Variants in SKAP2 observed in about 807,000 individuals in gnomAD.
The protein encoded by SKAP2 is src kinase associated phosphoprotein 2, also known as src kinase-associated phosphoprotein 2.
A neutral mutation model predicts 54.9 loss-of-function variants in SKAP2; 28 were observed. The observed-to-expected ratio is 0.51, with a 90% CI of 0.38 to 0.70. The LOEUF is 0.70. Among genes scored for constraint, SKAP2 ranks in the 30% least tolerant of loss-of-function variants. SKAP2 has a pLI of 0.00. For missense variants in SKAP2, 356 were observed against 424.1 expected (o/e 0.84, Z 1.41); for synonymous variants, 137 against 134.3 (o/e 1.02, Z -0.14).
chr7:26,754,137 G>C (rs1782739743), intron 4 of SKAP2, among the ~76,000 whole-genome samples: 1 of 152,170 alleles, frequency 6.6e-6, no homozygotes, highest in African/African-American at 2.4e-5. Context: ...GCTGAGGCGA[G>C]TGGATCACTT....
intron 4 of SKAP2, among the ~76,000 whole-genome samples, chr7:26,819,168 A>C (rs1339747453): frequency 6.6e-6 from 1 of 152,226 alleles, no homozygotes; most frequent in African/African-American, 2.4e-5. Context: ...ACTTGGAACC[A>C]ACCCAAATGC....
At chr7:26,812,965 T>TTAG (rs1488207302) in intron 4 of SKAP2, among the ~76,000 whole-genome samples, 1 of 152,186 alleles carries the variant, frequency 6.6e-6, no homozygotes, top group East Asian at 1.9e-4. Context: ...TACCTCTGTC[T>TTAG]TCTATTAAAG....
intron 4 of SKAP2, among the ~76,000 whole-genome samples, chr7:26,756,557 A>G (rs1054149168): frequency 2.0e-5 from 3 of 151,990 alleles, no homozygotes; most frequent in Non-Finnish European, 4.4e-5. Context: ...TATGTGCCAC[A>G]TTTTCTTAAT....
intron 4 of SKAP2, among the ~76,000 whole-genome samples, chr7:26,786,570 A>C (rs1783549177): frequency 6.6e-6 from 1 of 152,112 alleles, no homozygotes; most frequent in South Asian, 2.1e-4. Context: ...GAGGAAGAGC[A>C]CTCCAGGCAG....
chr7:26,864,508 A>G lies in SKAP2; in HGVS notation c.-79T>C, dbSNP rs1584434155. The G allele has an allele frequency of 9.9e-6, 15 of 1,517,326 alleles. No homozygotes were observed. In the South Asian group the frequency reaches 1.3e-4, roughly 13 times the overall value. The allele number at this position is 1,517,326 out of a possible 1,614,324, so 94.0% of individuals were successfully genotyped here. A position where few individuals can be genotyped will look rare whatever the true frequency, so the allele number is the denominator to read the frequency against. On this transcript the variant is annotated 5_prime_UTR_variant, in exon 1 of 13. Coordinates refer to ENST00000345317, the MANE Select transcript of SKAP2 (RefSeq NM_003930.5). The stretch of plus-strand genomic sequence containing the variant: ...CGGGGTGGGGCTGCGGCTGCGACCT[A>G]GACTCAGGCTAGCGGCCCGGATTAA...
chr7:26,738,116 T>C (rs1787980960), intron 6 of SKAP2, among the ~76,000 whole-genome samples: 1 of 152,160 alleles, frequency 6.6e-6, no homozygotes, highest in Non-Finnish European at 1.5e-5. Flanking sequence ...GACAAGACCC[T>C]GTTTCTAAAA....
intron 4 of SKAP2, among the ~76,000 whole-genome samples, chr7:26,764,351 A>C (rs555662158): frequency 6.6e-6 from 1 of 152,186 alleles, no homozygotes; most frequent in East Asian, 1.9e-4. Flanking sequence ...ATAGATCAGG[A>C]ATCAGAAGAC....
chr7:26,695,004 C>A (rs1204964109), intron 9 of SKAP2, among the ~76,000 whole-genome samples: 2 of 151,910 alleles, frequency 1.3e-5, no homozygotes, highest in Non-Finnish European at 2.9e-5. Flanking sequence ...CAAATGGCAC[C>A]ATTTAGCTGA....
At chr7:26,659,080 A>G in the SKAP2 span, among the ~76,000 whole-genome samples, 1 of 152,180 alleles carries the variant, frequency 6.6e-6, no homozygotes, top group Non-Finnish European at 1.5e-5. Context: ...GTTCGACGTG[A>G]TATCATAATT....
intron 4 of SKAP2, among the ~76,000 whole-genome samples, chr7:26,782,531 T>C (rs1353108633): frequency 1.3e-5 from 2 of 152,114 alleles, no homozygotes; most frequent in African/African-American, 4.8e-5. Context: ...TATTAAGAGG[T>C]GGAGCCTTTG....
chr7:26,718,781 G>A (rs1356966047), intron 9 of SKAP2, among the ~76,000 whole-genome samples: 2 of 152,158 alleles, frequency 1.3e-5, no homozygotes, highest in Non-Finnish European at 2.9e-5. Context: ...TGGGATTACA[G>A]GCATGCGCCA....
chr7:26,687,297 G>GTA (rs771752089), intron 10 of SKAP2, among the ~76,000 whole-genome samples: 1 of 151,550 alleles, frequency 6.6e-6, no homozygotes, highest in Non-Finnish European at 1.5e-5. Flanking sequence ...TCTCACTGCT[G>GTA]TAAAGAGGCA....
At chr7:26,666,481 T>C (rs1211227319), downstream of SKAP2, among the ~76,000 whole-genome samples, 1 of 152,180 alleles carries the variant, frequency 6.6e-6, no homozygotes, top group Non-Finnish European at 1.5e-5. Context: ...TGAGCCTTTG[T>C]ACACATTTAA....
At chr7:26,793,931 A>G (rs1169919311) in intron 4 of SKAP2, among the ~76,000 whole-genome samples, 1 of 152,222 alleles carries the variant, frequency 6.6e-6, no homozygotes, top group Non-Finnish European at 1.5e-5. Context: ...GTGCCTACCT[A>G]GGAAATTAAA....
intron 4 of SKAP2, among the ~76,000 whole-genome samples, chr7:26,745,067 T>C (rs1782533777): frequency 6.6e-6 from 1 of 152,140 alleles, no homozygotes; most frequent in African/African-American, 2.4e-5. Context: ...TACGACTAGG[T>C]TTCTGAGCTT....
chr7:26,729,976 T>C (rs1422825176), intron 6 of SKAP2, among the ~76,000 whole-genome samples: 7 of 152,220 alleles, frequency 4.6e-5, no homozygotes, highest in African/African-American at 1.2e-4. Context: ...TAAACAATTA[T>C]ATAAACATCC....
chr7:26,854,194 G>T (rs747932057), intron 2 of SKAP2, 32 bp from the exon 3 acceptor site: 1 of 1,468,050 alleles, frequency 6.8e-7, no homozygotes, highest in Non-Finnish European at 9.3e-7. Context: ...TTTAAATGAG[G>T]TTGAAAAATC....
chr7:26,702,962 C>T (rs753927108), intron 9 of SKAP2, among the ~76,000 whole-genome samples: 4 of 152,202 alleles, frequency 2.6e-5, no homozygotes, highest in Non-Finnish European at 5.9e-5. Flanking sequence ...ATCAGAATCA[C>T]CTGGTGGGCT....
intron 4 of SKAP2, among the ~76,000 whole-genome samples, chr7:26,806,167 C>T (rs1208686071): frequency 6.6e-6 from 1 of 152,142 alleles, no homozygotes; most frequent in African/African-American, 2.4e-5. Flanking sequence ...CCTTGGGCTT[C>T]CCTATTCCCT....
Sources: gnomAD v4.1 joint callset for allele counts (sites outside exome capture counted in the v4.1 genomes callset) on GRCh38, gnomAD v4.1.1 for gene constraint, MANE v1.5 for transcripts, NCBI Gene and HGNC (gene_info 2026-07-23, HGNC 2026-07-21) for gene names.